The following MORF4L1 variants were observed in gnomAD, a reference collection of about 807,000 sequenced individuals.
MORF4L1 encodes the protein mortality factor 4-like protein 1.
In MORF4L1, 4 loss-of-function variants were observed where a neutral mutation model predicts 52.9. The observed-to-expected ratio is 0.08, with a 90% CI of 0.04 to 0.17. The LOEUF is 0.17. Ranked by LOEUF, MORF4L1 falls within the 10% of genes least tolerant of loss-of-function variation. The pLI is 1.00. For missense variants in MORF4L1, 214 were observed against 390.4 expected (o/e 0.55, Z 3.81); for synonymous variants, 123 against 134.8 (o/e 0.91, Z 0.61).
chr15:78,873,547 T>A (rs1336878481), intron 1 of MORF4L1, among the ~76,000 whole-genome samples: 1 of 151,114 alleles, frequency 6.6e-6, no homozygotes, highest in Non-Finnish European at 1.5e-5. Context: ...CAGCTGCGGA[T>A]GGGGGTGGGT....
chr15:78,878,108 A>G, intron 1 of MORF4L1, 105 bp from the exon 2 acceptor site: 7 of 1,168,548 alleles, frequency 6.0e-6, no homozygotes, highest in South Asian at 1.6e-5. Context: ...CATTTTTCCT[A>G]ATTTGGCTAG....
chr15:78,872,898 C>G lies in MORF4L1; in HGVS notation c.-120C>G. 1.4e-6 allele frequency: 2 copies of G among 1,459,912 alleles called. No individual in the cohort carries two copies. Among genetic ancestry groups the G allele is most frequent in the Non-Finnish European group, 9.0e-7 (1 of 1,109,290 alleles). The allele number at this position is 1,459,912 out of a possible 1,614,324, so 90.4% of individuals were successfully genotyped here. A position where few individuals can be genotyped will look rare whatever the true frequency, so the allele number is the denominator to read the frequency against. On this transcript the variant is annotated 5_prime_UTR_variant, in exon 1 of 12. Transcript: ENST00000426013. ...GGTCTGCGGGCGCTGGCAAATCCGG[C>G]CCAGGATGTAGAGCTGGCAGTGCCT...
chr15:78,877,391 A>T (rs1382417518), intron 1 of MORF4L1, among the ~76,000 whole-genome samples: 4 of 152,140 alleles, frequency 2.6e-5, no homozygotes, highest in Non-Finnish European at 5.9e-5. Flanking sequence ...AAGTGATGGG[A>T]TTACAGGCGT....
At chr15:78,876,499 T>G in intron 1 of MORF4L1, 1 of 455,868 alleles carries the variant, frequency 2.2e-6, no homozygotes, top group Non-Finnish European at 4.4e-6. Context: ...AACAAAATAC[T>G]AGGGCCTCGT....
intron 11 of MORF4L1, 42 bp from the exon 12 acceptor site, chr15:78,896,941 A>G: frequency 6.7e-7 from 1 of 1,487,804 alleles, no homozygotes. Context: ...GGATCAAGAT[A>G]ATGACCTTTA....
intron 1 of MORF4L1, among the ~76,000 whole-genome samples, chr15:78,875,616 G>A (rs1458965021): frequency 3.6e-5 from 5 of 139,008 alleles, no homozygotes; most frequent in African/African-American, 1.3e-4. Context: ...GTGAAACCCA[G>A]TCTCTACTAA....
intron 3 of MORF4L1, among the ~76,000 whole-genome samples, chr15:78,882,970 T>G (rs1408774278): frequency 6.6e-6 from 1 of 152,142 alleles, no homozygotes; most frequent in Non-Finnish European, 1.5e-5. Context: ...ATCTCAACAC[T>G]TTGGGAGGCC....
At chr15:78,880,439 T>A (rs1184463982) in intron 2 of MORF4L1, 73 bp from the exon 3 acceptor site, 2 of 1,097,012 alleles carry the variant, frequency 1.8e-6, no homozygotes, top group East Asian at 5.1e-5. Flanking sequence ...AGAGTGTCTT[T>A]GAAGGATGAT....
At chr15:78,873,867 T>C (rs2056424278) in intron 1 of MORF4L1, 1 of 152,266 alleles carries the variant, frequency 6.6e-6, no homozygotes, top group East Asian at 1.9e-4. Flanking sequence ...TTGCAGTTGC[T>C]CGTAAAAAGT....
In MORF4L1 at chr15:78,897,042, C is replaced by T. The variant is rs765224209; in HGVS notation, c.947C>T (p.Pro316Leu). 7 of 1,612,318 alleles carry T rather than the reference C, an allele frequency of 4.3e-6. No individual in the cohort carries two copies. Residue 316 changes from proline to leucine, a missense_variant, in exon 12 of 12, where the codon CCT (proline) becomes CTT (leucine). Around this residue, in one of 5 missense-constraint regions of MORF4L1, gnomAD observed 30 missense variants for 34.6 expected, o/e 0.87. Transcript: ENST00000426013. ...GCCAGCGATTATGAAGTGGCTCCTC[C>T]TGAGTACCATCGGAAAGCTGTGTGA... The part of the protein sequence containing the change: ...FSASDYEVAP[P>L]EYHRKAV
intron 1 of MORF4L1, among the ~76,000 whole-genome samples, chr15:78,875,379 T>C (rs1486467037): frequency 6.6e-6 from 1 of 152,172 alleles, no homozygotes; most frequent in African/African-American, 2.4e-5. Flanking sequence ...CAGGTAAGGG[T>C]TTGAAAGCTG....
chr15:78,883,736 T>C (rs1268242017), intron 3 of MORF4L1, among the ~76,000 whole-genome samples: 1 of 152,202 alleles, frequency 6.6e-6, no homozygotes, highest in Non-Finnish European at 1.5e-5. Context: ...TAGATAAATA[T>C]ATGCAATGTT....
At chr15:78,887,784 T>C (rs1295008968) in intron 5 of MORF4L1, among the ~76,000 whole-genome samples, 1 of 152,180 alleles carries the variant, frequency 6.6e-6, no homozygotes, top group Admixed American at 6.5e-5. Context: ...AAGAAAACCA[T>C]TGCTTTTTTT....
Position 78,897,111 on chromosome 15 carries a change from T to C in MORF4L1, c.*44T>C. 6.8e-7 allele frequency: 1 copy of C among 1,474,350 alleles called. No homozygotes were observed. The allele number at this position is 1,474,350 out of a possible 1,614,324, so 91.3% of individuals were successfully genotyped here. A position where few individuals can be genotyped will look rare whatever the true frequency, so the allele number is the denominator to read the frequency against. On this transcript the variant is annotated 3_prime_UTR_variant, in exon 12 of 12. Coordinates refer to ENST00000426013, the MANE Select transcript of MORF4L1 (RefSeq NM_006791.4). ...TATGTTTGGATCTCCGTAAACACAT[T>C]TTTGTTCTTAGTCTATCTCTTGTAC...
intron 4 of MORF4L1, among the ~76,000 whole-genome samples, chr15:78,886,839 C>A (rs2056713035): frequency 6.6e-6 from 1 of 151,860 alleles, no homozygotes; most frequent in Non-Finnish European, 1.5e-5. Flanking sequence ...CCTGTAGTCC[C>A]AGCTACTCCG....
chr15:78,888,080 A>G (rs1387540564), intron 5 of MORF4L1, among the ~76,000 whole-genome samples: 2 of 152,188 alleles, frequency 1.3e-5, no homozygotes. Flanking sequence ...GCACAAAACC[A>G]TTACTTCTTG....
At chr15:78,888,799 A>T (rs905353702) in intron 5 of MORF4L1, among the ~76,000 whole-genome samples, 21 of 150,798 alleles carry the variant, frequency 1.4e-4, no homozygotes, top group African/African-American at 5.1e-4. Context: ...ATTTTTTTTT[A>T]AACTCTTTTT....
At chr15:78,887,182 T>A in intron 4 of MORF4L1, 87 bp from the exon 5 acceptor site, 1 of 1,128,946 alleles carries the variant, frequency 8.9e-7, no homozygotes. Flanking sequence ...AGAATTTGAA[T>A]GTAAATTCCT....
intron 7 of MORF4L1, 133 bp downstream of exon 7, chr15:78,891,705 T>C (rs1259878205): frequency 1.6e-5 from 11 of 676,030 alleles, no homozygotes; most frequent in Non-Finnish European, 2.5e-5. Context: ...ATTTTCTCTT[T>C]TGGGGGTAAA....
Sources: gnomAD v4.1 joint callset for allele counts (sites outside exome capture counted in the v4.1 genomes callset) on GRCh38, gnomAD v4.1.1 for gene constraint, gnomAD v4.1.1 regional missense constraint, MANE v1.5 for transcripts, NCBI Gene and HGNC (gene_info 2026-07-23, HGNC 2026-07-21) for gene names.